RAB4A: variants seen among roughly 807,000 people sequenced by gnomAD.
RAB4A encodes the protein RAB4A, member RAS oncogene family, also known as ras-related protein Rab-4A.
RAB4A carries 20 observed loss-of-function variants against 34.5 expected under a neutral mutation model. The observed-to-expected ratio is 0.58, with a 90% CI of 0.41 to 0.84. The LOEUF (loss-of-function observed/expected upper bound fraction) is 0.84. Among genes scored for constraint, RAB4A ranks in the 40% least tolerant of loss-of-function variants. RAB4A has a pLI of 0.00. For synonymous variants in RAB4A, 102 were observed against 100.0 expected, an observed-to-expected ratio of 1.02 and a Z score of -0.12; for missense variants, 228 against 274.5, an observed-to-expected ratio of 0.83 and a Z score of 1.20.
chr1:229,298,934 C>A (rs1178213174), intron 5 of RAB4A, 43 bp from the exon 6 acceptor site: 6 of 1,411,478 alleles, frequency 4.3e-6, no homozygotes, highest in African/African-American at 1.4e-5. Context: ...AAATTATGAT[C>A]ATCTTCTAAA....
intron 1 of RAB4A, among the ~76,000 whole-genome samples, chr1:229,274,093 C>T (rs1224015397): frequency 6.9e-6 from 1 of 144,876 alleles, no homozygotes; most frequent in Non-Finnish European, 1.5e-5. Flanking sequence ...CGCTCTGTCA[C>T]CCATGCTGGA....
chr1:229,274,013 G>A (rs1656571775), intron 1 of RAB4A, among the ~76,000 whole-genome samples: 2 of 151,030 alleles, frequency 1.3e-5, no homozygotes. Flanking sequence ...GCTTGACAGA[G>A]AGATGAGGAA....
chr1:229,297,778 A>C (rs1279265519), intron 5 of RAB4A, 142 bp downstream of exon 5: 1 of 965,744 alleles, frequency 1.0e-6, no homozygotes, highest in Non-Finnish European at 1.5e-6. Context: ...TTTTTTCTAT[A>C]AATTAGACCT....
At chr1:229,283,251 T>C (rs1262680422) in intron 1 of RAB4A, among the ~76,000 whole-genome samples, 1 of 152,180 alleles carries the variant, frequency 6.6e-6, no homozygotes, top group African/African-American at 2.4e-5. Flanking sequence ...ACTGACACTG[T>C]GCCAGGGGCA....
chr1:229,284,074 T>G lies in RAB4A; in HGVS notation c.32-2412T>G, dbSNP rs1321810893. ...ATATTTCTTTTCTAGGGTGGTTTTT[T>G]TTGTTGTTGGTGTTGTTTGGTTTTT... On this transcript the variant is annotated intron_variant, in intron 1 of 7. Transcript: ENST00000366690. 1.4e-4 allele frequency among the ~76,000 whole-genome samples: 20 copies of G among 146,602 alleles called. No individual in the cohort carries two copies. The East Asian group carries it at 3.1e-3, about 23-fold the overall frequency.
At chr1:229,303,516 T>C (rs908917095) in intron 7 of RAB4A, among the ~76,000 whole-genome samples, 1 of 152,200 alleles carries the variant, frequency 6.6e-6, no homozygotes, top group African/African-American at 2.4e-5. Flanking sequence ...TGATTCCTTA[T>C]GTCAGTGAGG....
rs1286011944 is a variant in RAB4A, at chr1:229,286,558, A to G, written c.104A>G (p.Glu35Gly). 1.3e-6 allele frequency: 2 copies of G among 1,538,954 alleles called. No homozygotes were observed. The highest frequency in any genetic ancestry group is 1.9e-5 in the Admixed American group (1 of 52,068). ...TCTTGCTTACTTCATCAGTTTATTG[A>G]AAAAAAATGTAAGTGTCATGAAATT... is the stretch of plus-strand genomic sequence containing the variant. ...GKSCLLHQFI[E>G]KKFKDDSNHT... The change falls in exon 2 of 8, where the codon GAA becomes GGA. Residue 35 changes from glutamate to glycine, a missense_variant. By Grantham distance (98) the Glu-to-Gly change is moderately conservative (BLOSUM62 -2). Coordinates refer to ENST00000366690, the MANE Select transcript of RAB4A (RefSeq NM_004578.4).
chr1:229,293,206 A>T (rs1449073921), intron 3 of RAB4A, among the ~76,000 whole-genome samples: 3 of 152,198 alleles, frequency 2.0e-5, no homozygotes, highest in Non-Finnish European at 4.4e-5. Context: ...CCATGCCACC[A>T]CCAGCCCAGG....
In RAB4A at chr1:229,297,775, T is replaced by C. The variant is rs1207456018; in HGVS notation, c.445+139T>C. 3 of 996,474 alleles carry C rather than the reference T, an allele frequency of 3.0e-6. No homozygotes were observed. In the East Asian group the frequency reaches 8.1e-5, roughly 27 times the overall value. 61.7% of individuals were successfully genotyped at this position (996,474 alleles called of 1,614,324 possible). On this transcript the variant is annotated intron_variant, in intron 5 of 7. Transcript: ENST00000366690. ...TGTGGAATTTCCAATTGTTTTTTTC[T>C]ATAAATTAGACCTATTAAGCATATT...
chr1:229,288,694 A>C, intron 2 of RAB4A, 35 bp from the exon 3 acceptor site: 1 of 1,142,540 alleles, frequency 8.8e-7, no homozygotes, highest in Non-Finnish European at 1.3e-6. Context: ...TAATGTTCTA[A>C]AATTAAATAT....
At chr1:229,288,551 T>C (rs958843569) in intron 2 of RAB4A, among the ~76,000 whole-genome samples, 178 bp from the exon 3 acceptor site, 1 of 152,234 alleles carries the variant, frequency 6.6e-6, no homozygotes, top group African/African-American at 2.4e-5. Context: ...GAATAGGGGC[T>C]GTGTGTATTA....
chr1:229,295,891 C>A lies in RAB4A; in HGVS notation c.271C>A (p.Leu91Ile). Residue 91 changes from leucine to isoleucine, a missense_variant, in exon 4 of 8, where the codon CTC becomes ATC. By Grantham distance (5) the Leu-to-Ile change is conservative. Coordinates refer to ENST00000366690, the MANE Select transcript of RAB4A (RefSeq NM_004578.4). ...SYYRGAAGALLVYDITSRETY... is the reference protein window; with the variant it reads ...SYYRGAAGALIVYDITSRETY... ...TTACCGAGGCGCGGCCGGGGCTCTC[C>A]TCGTCTATGATATCACCAGGTAATG... 1 of 1,614,116 alleles carries A rather than the reference C, an allele frequency of 6.2e-7. No homozygotes were observed. Among genetic ancestry groups the A allele is most frequent in the Non-Finnish European group, 8.5e-7 (1 of 1,180,020 alleles).
intron 6 of RAB4A, among the ~76,000 whole-genome samples, chr1:229,302,302 TATATATA>T (rs531426765): frequency 1.2e-3 from 45 of 36,792 alleles, no homozygotes; most frequent in East Asian, 3.2e-3. Flanking sequence ...TATATATATA[TATATATA>T]TTTTTTTTTT....
At chr1:229,290,943 C>G (rs191109143) in intron 3 of RAB4A, among the ~76,000 whole-genome samples, 45 of 152,124 alleles carry the variant, frequency 3.0e-4, no homozygotes, top group South Asian at 1.5e-3. Flanking sequence ...ATTGGCCCAC[C>G]TAAAATCAAA....
At chr1:229,297,953 A>G (rs942305596) in intron 5 of RAB4A, among the ~76,000 whole-genome samples, 3 of 152,214 alleles carry the variant, frequency 2.0e-5, no homozygotes, top group Non-Finnish European at 4.4e-5. Context: ...TAACCAAATG[A>G]TGTCATTATT....
Position 229,288,828 on chromosome 1 carries a change from G to A in RAB4A, c.212G>A (p.Gly71Glu). Residue 71 changes from glycine (G) to glutamate (E), a missense_variant, in exon 3 of 8, where the codon GGA (glycine) becomes GAA (glutamate). Gly to Glu is a moderately conservative substitution (Grantham distance 98). Transcript: ENST00000366690. ...AAGTTACAAATATGGGATACAGCAGGACAAGAACGATTCAGGTAGCTTTTC... is the reference window on the plus strand; with the variant it reads ...AAGTTACAAATATGGGATACAGCAGAACAAGAACGATTCAGGTAGCTTTTC... The part of the protein sequence containing the change: ...YVKLQIWDTA[G>E]QERFRSVTRS... 1 of 1,547,036 alleles carries A rather than the reference G, an allele frequency of 6.5e-7. No homozygotes were observed. The highest frequency in any genetic ancestry group is 1.8e-5 in the Admixed American group (1 of 55,992).
At chr1:229,282,935 T>C (rs1423486354) in intron 1 of RAB4A, among the ~76,000 whole-genome samples, 1 of 152,252 alleles carries the variant, frequency 6.6e-6, no homozygotes, top group Non-Finnish European at 1.5e-5. Flanking sequence ...CATCTTGACA[T>C]AGGAATATGT....
Position 229,305,107 on chromosome 1 carries a change from G to A in RAB4A, c.*1314G>A. 1 of 1,557,636 alleles carries A rather than the reference G, an allele frequency of 6.4e-7. No homozygotes were observed. The highest frequency in any genetic ancestry group is 8.7e-7 in the Non-Finnish European group (1 of 1,154,904). ...TTTGTTGTTTATTTTAATCAGCAGA[G>A]CACAGAGACACATAAAAACTCTGGG... is the stretch of plus-strand genomic sequence containing the variant. On this transcript the variant is annotated 3_prime_UTR_variant, in exon 8 of 8. Coordinates refer to ENST00000366690, the MANE Select transcript of RAB4A (RefSeq NM_004578.4).
intron 1 of RAB4A, among the ~76,000 whole-genome samples, chr1:229,280,330 GATTCTCAT>G (rs1204370689): frequency 1.3e-5 from 2 of 152,160 alleles, no homozygotes; most frequent in East Asian, 3.8e-4. Flanking sequence ...CATGAAGTTG[GATTCTCAT>G]CATCTACCAA....
Sources: gnomAD v4.1 joint callset for allele counts (sites outside exome capture counted in the v4.1 genomes callset) on GRCh38, gnomAD v4.1.1 for gene constraint, MANE v1.5 for transcripts, NCBI Gene and HGNC (gene_info 2026-07-23, HGNC 2026-07-21) for gene names.